Variants in RIMS1 observed in about 807,000 individuals in gnomAD.
The protein encoded by RIMS1 is regulating synaptic membrane exocytosis protein 1.
A neutral mutation model predicts 214.1 loss-of-function variants in RIMS1; 83 were observed. The ratio of observed to expected loss-of-function variants is 0.39; its 90% CI spans 0.32 to 0.47. The LOEUF (loss-of-function observed/expected upper bound fraction) is 0.47, where lower values mean the gene tolerates loss of function less well. Among genes scored for constraint, RIMS1 ranks in the 20% least tolerant of loss-of-function variants. The pLI is 0.99. For missense variants in RIMS1, 2,050 were observed against 2,161.8 expected (o/e 0.95, Z 1.03); for synonymous variants, 793 against 786.8 (o/e 1.01, Z -0.13).
intron 12 of RIMS1, 93 bp downstream of exon 12, chr6:72,248,220 C>A: frequency 2.9e-6 from 2 of 679,860 alleles, no homozygotes; most frequent in Non-Finnish European, 5.2e-6. Context: ...TTGAAGCCTG[C>A]AATAAATACA....
At chr6:71,955,908 T>G (rs577666710) in intron 1 of RIMS1, among the ~76,000 whole-genome samples, 3 of 152,134 alleles carry the variant, frequency 2.0e-5, no homozygotes, top group African/African-American at 7.2e-5. Context: ...GTGATTTGAA[T>G]TGATAAAGAC....
At chr6:72,069,125 A>G (rs1830018833) in intron 2 of RIMS1, among the ~76,000 whole-genome samples, 1 of 152,296 alleles carries the variant, frequency 6.6e-6, no homozygotes, top group Middle Eastern at 3.4e-3. Flanking sequence ...AGTGAATGTA[A>G]TATTGTCATA....
intron 1 of RIMS1, among the ~76,000 whole-genome samples, chr6:71,961,001 GA>G (rs1231178332): frequency 6.6e-6 from 1 of 152,144 alleles, no homozygotes; most frequent in East Asian, 1.9e-4. Flanking sequence ...AACTATTAGT[GA>G]ATGATAGGTG....
chr6:71,998,231 G>T (rs1409483294), intron 2 of RIMS1, among the ~76,000 whole-genome samples: 1 of 151,986 alleles, frequency 6.6e-6, no homozygotes, highest in African/African-American at 2.4e-5. Context: ...GAATATTATT[G>T]TAATCAGCCT....
At chr6:72,138,727 T>A (rs1176931864) in intron 4 of RIMS1, among the ~76,000 whole-genome samples, 1 of 152,120 alleles carries the variant, frequency 6.6e-6, no homozygotes, top group Non-Finnish European at 1.5e-5. Context: ...AAATATATTT[T>A]AAAAAATCAA....
intron 22 of RIMS1, chr6:72,266,302 G>C: frequency 1.9e-6 from 1 of 512,984 alleles, no homozygotes; most frequent in Non-Finnish European, 3.5e-6. Flanking sequence ...ACTGCTTCTG[G>C]CTGCTGCTTT....
chr6:72,390,623 T>C lies in RIMS1; in HGVS notation c.4392T>C (p.Ser1464=). 2 of 1,613,664 alleles carry C rather than the reference T, an allele frequency of 1.2e-6. No homozygotes were observed. Among genetic ancestry groups the C allele is most frequent in the Non-Finnish European group, 1.7e-6 (2 of 1,179,726 alleles). The stretch of plus-strand genomic sequence containing the variant: ...AGTCGGGCCACAAAAAGTTAAAAAG[T>C]ACCATCCAGAGAAGCACAGAAACAG... ...QTESGHKKLK[S]TIQRSTETGM... is the part of the protein sequence containing the mutation. The change falls in exon 30 of 34, where the codon AGT becomes AGC. Residue 1464 remains serine, a synonymous_variant. Transcript: ENST00000521978.
intron 1 of RIMS1, among the ~76,000 whole-genome samples, chr6:71,956,695 G>T (rs542057881): frequency 1.3e-5 from 2 of 152,178 alleles, no homozygotes; most frequent in African/African-American, 4.8e-5. Flanking sequence ...TGGAGTTCAT[G>T]GAAAGCTCTT....
chr6:72,358,813 GT>G (rs1230551033), intron 29 of RIMS1, among the ~76,000 whole-genome samples: 3 of 152,144 alleles, frequency 2.0e-5, no homozygotes, highest in Non-Finnish European at 2.9e-5. Flanking sequence ...GGGAAGTTTA[GT>G]GGTACAGTGA....
chr6:72,197,368 T>G (rs1369258911), intron 6 of RIMS1, among the ~76,000 whole-genome samples: 3 of 151,904 alleles, frequency 2.0e-5, no homozygotes, highest in Non-Finnish European at 4.4e-5. Context: ...ACATTGACCC[T>G]GGAAATAAGA....
At chr6:72,276,632 T>G (rs1290571165) in intron 23 of RIMS1, among the ~76,000 whole-genome samples, 2 of 152,098 alleles carry the variant, frequency 1.3e-5, no homozygotes, top group Non-Finnish European at 2.9e-5. Context: ...AGTCCTATGT[T>G]CGACCAAAAT....
chr6:71,974,579 G>C (rs532816496), intron 2 of RIMS1, among the ~76,000 whole-genome samples: 11 of 152,246 alleles, frequency 7.2e-5, no homozygotes, highest in Admixed American at 5.2e-4. Flanking sequence ...AGGTAGGAGA[G>C]GCAGGAGGTA....
intron 29 of RIMS1, among the ~76,000 whole-genome samples, chr6:72,376,679 A>C (rs1254588087): frequency 6.6e-6 from 1 of 151,836 alleles, no homozygotes; most frequent in Non-Finnish European, 1.5e-5. Context: ...CCCAGGAGGC[A>C]GAGGTTGCAG....
intron 29 of RIMS1, among the ~76,000 whole-genome samples, chr6:72,362,407 C>T (rs992734993): frequency 5.9e-5 from 9 of 152,012 alleles, no homozygotes; most frequent in African/African-American, 2.2e-4. Flanking sequence ...ATTTTACTTA[C>T]CAGAGACAGA....
In RIMS1 at chr6:72,398,991, C is replaced by A; in HGVS notation, c.4757C>A (p.Ala1586Asp). Residue 1586 changes from alanine (A) to aspartate (D), a missense_variant, in exon 33 of 34, where the codon GCC becomes GAC. This residue lies in a region of RIMS1 where 121 missense variants were observed against 187.3 expected (regional missense o/e 0.65). Coordinates refer to ENST00000521978, the MANE Select transcript of RIMS1 (RefSeq NM_014989.7). The stretch of plus-strand genomic sequence containing the variant: ...AAAGTATATCTTTTGGAAAATGGGG[C>A]CTGTATAGCCAAGAAGAAGACAAGA... The part of the protein sequence containing the change: ...YVKVYLLENG[A>D]CIAKKKTRIA... 6.2e-7 allele frequency: 1 copy of A among 1,605,846 alleles called. No homozygotes were observed. Among genetic ancestry groups the A allele is most frequent in the Non-Finnish European group, 8.5e-7 (1 of 1,173,562 alleles).
At chr6:72,370,209 A>C (rs2098172080) in intron 29 of RIMS1, among the ~76,000 whole-genome samples, 1 of 152,188 alleles carries the variant, frequency 6.6e-6, no homozygotes, top group African/African-American at 2.4e-5. Flanking sequence ...AGTTTCAGAG[A>C]AAATTTGACC....
At chr6:72,211,140 C>T (rs991712660) in intron 6 of RIMS1, among the ~76,000 whole-genome samples, 12 of 152,130 alleles carry the variant, frequency 7.9e-5, no homozygotes. Flanking sequence ...CTTGGTATTA[C>T]TAAAAGGATC....
chr6:71,925,155 T>C (rs1781235138), intron 1 of RIMS1, among the ~76,000 whole-genome samples: 1 of 152,252 alleles, frequency 6.6e-6, no homozygotes, highest in African/African-American at 2.4e-5. Flanking sequence ...ATTTCACTTT[T>C]GAGGTTTTCT....
At chr6:72,161,495 G>A (rs2045401726) in intron 4 of RIMS1, among the ~76,000 whole-genome samples, 1 of 140,006 alleles carries the variant, frequency 7.1e-6, no homozygotes, top group Non-Finnish European at 1.6e-5. Flanking sequence ...GTCAATTTTA[G>A]ATCTTTCCTG....
Sources: allele counts gnomAD v4.1 joint callset (sites outside exome capture counted in the v4.1 genomes callset), GRCh38; gene constraint gnomAD v4.1.1; regional missense constraint gnomAD v4.1.1; transcripts MANE v1.5; gene names NCBI Gene and HGNC (gene_info 2026-07-23, HGNC 2026-07-21).